ROBO2: variants seen among roughly 807,000 people sequenced by gnomAD.
The protein encoded by ROBO2 is roundabout homolog 2.
In ROBO2, 53 loss-of-function variants were observed where a neutral mutation model predicts 160.8. That is an observed-to-expected ratio of 0.33 (90% CI 0.26 to 0.41). The LOEUF is 0.41. Among genes scored for constraint, ROBO2 ranks in the 10% least tolerant of loss-of-function variants. The probability of loss-of-function intolerance (pLI) is 1.00; values close to 1 mark genes in which losing one functional copy is unlikely to be tolerated. For missense variants in ROBO2, 1,577 were observed against 1,722.4 expected (o/e 0.92, Z 1.49); for synonymous variants, 664 against 611.7 (o/e 1.09, Z -1.26).
intron 2 of ROBO2, among the ~76,000 whole-genome samples, chr3:76,500,734 C>G (rs2080415213): frequency 6.6e-6 from 1 of 152,094 alleles, no homozygotes; most frequent in African/African-American, 2.4e-5. Flanking sequence ...AAAGTCAGTT[C>G]TAGAAGATAA....
At position 77,646,166 on chromosome 3, in the gene ROBO2, A is replaced by T. The variant is rs1313873927; in HGVS notation, c.*111A>T. 4 of 699,546 alleles carry T rather than the reference A, an allele frequency of 5.7e-6. No individual in the cohort carries two copies. The African/African-American group carries it at 7.3e-5, about 13-fold the overall frequency. The allele number at this position is 699,546 out of a possible 1,614,324, so 43.3% of individuals were successfully genotyped here. On this transcript the variant is annotated 3_prime_UTR_variant, in exon 26 of 26. Transcript: ENST00000461745. ...CAATTTATTTATGTACTATTAAAAG[A>T]ACTGTAAATGCAATGTAAAGACACA...
intron 2 of ROBO2, among the ~76,000 whole-genome samples, chr3:77,223,245 TTAAGAA>T (rs1474270624): frequency 1.3e-5 from 2 of 152,154 alleles, no homozygotes; most frequent in Admixed American, 6.5e-5. Flanking sequence ...TGAAAGGAGT[TTAAGAA>T]TATCTGTACC....
intron 5 of ROBO2, among the ~76,000 whole-genome samples, chr3:77,508,891 G>T (rs1378284072): frequency 2.0e-5 from 3 of 151,954 alleles, no homozygotes; most frequent in African/African-American, 4.8e-5. Flanking sequence ...GGCAACAGGG[G>T]TGCATGTGTG....
intron 2 of ROBO2, among the ~76,000 whole-genome samples, chr3:76,441,872 C>T (rs537900625): frequency 2.0e-4 from 30 of 152,306 alleles, no homozygotes; most frequent in African/African-American, 6.0e-4. Flanking sequence ...ACTTTCACTC[C>T]TTAGCAGAAA....
At chr3:77,095,948 A>G (rs1474087277) in intron 1 of ROBO2, among the ~76,000 whole-genome samples, 1 of 152,018 alleles carries the variant, frequency 6.6e-6, no homozygotes, top group African/African-American at 2.4e-5. Flanking sequence ...TGTGAACAGT[A>G]AATTACTCTT....
At chr3:76,011,481 C>G (rs1251004109) in intron 2 of ROBO2, among the ~76,000 whole-genome samples, 1 of 152,186 alleles carries the variant, frequency 6.6e-6, no homozygotes, top group Non-Finnish European at 1.5e-5. Flanking sequence ...GCCACATCCC[C>G]TTTACTAGTT....
Position 76,532,527 on chromosome 3 carries a change from TACAG to T in ROBO2, c.110-565483_110-565480del, listed in dbSNP as rs1204096215. 7.2e-5 allele frequency among the ~76,000 whole-genome samples: 11 copies of T among 152,344 alleles called. No individual in the cohort carries two copies. In the South Asian group the frequency reaches 1.7e-3, roughly 23 times the overall value. On this transcript the variant is annotated intron_variant, in intron 2 of 26. Transcript: ENST00000487694. Reference sequence around the variant, plus strand: ...TAACATATTAACTTTTCAAGAATGATACAGACAATTTGCCTTATAAGTATAATGT... The same window carrying T: ...TAACATATTAACTTTTCAAGAATGATACAATTTGCCTTATAAGTATAATGT...
At chr3:76,200,236 C>T (rs531492999) in intron 2 of ROBO2, among the ~76,000 whole-genome samples, 3 of 152,156 alleles carry the variant, frequency 2.0e-5, no homozygotes, top group South Asian at 4.1e-4. Context: ...GGGCTTGGGT[C>T]TGGGGAAGGA....
chr3:76,237,589 G>A (rs559919200), intron 2 of ROBO2, among the ~76,000 whole-genome samples: 157 of 152,212 alleles, frequency 1.0e-3, no homozygotes, highest in African/African-American at 3.6e-3. Flanking sequence ...TCAATGTCCT[G>A]GATAGTTAAT....
At chr3:76,103,320 A>G (rs2069780629) in intron 2 of ROBO2, among the ~76,000 whole-genome samples, 1 of 152,158 alleles carries the variant, frequency 6.6e-6, no homozygotes, top group African/African-American at 2.4e-5. Flanking sequence ...TATAATGAGG[A>G]AAAGAAGATA....
At chr3:76,166,916 C>T (rs1422233806) in intron 2 of ROBO2, among the ~76,000 whole-genome samples, 1 of 152,054 alleles carries the variant, frequency 6.6e-6, no homozygotes, top group East Asian at 1.9e-4. Context: ...CATTGTGCCC[C>T]TTCACAAATT....
intron 2 of ROBO2, among the ~76,000 whole-genome samples, chr3:77,432,338 T>C (rs1344177979): frequency 6.6e-6 from 1 of 152,116 alleles, no homozygotes; most frequent in Non-Finnish European, 1.5e-5. Flanking sequence ...CCTCTGTGAG[T>C]TGACTGTGTT....
At position 76,225,872 on chromosome 3, in the gene ROBO2, C is replaced by A. The variant is rs569270235; in HGVS notation, c.109+288270C>A. On this transcript the variant is annotated intron_variant, in intron 2 of 26. Transcript: ENST00000487694. The stretch of plus-strand genomic sequence containing the variant: ...AAATACCAAAAAACTCTAAACATTG[C>A]AAGATACATTAACTCTAAGATTTTT... 3.9e-5 allele frequency among the ~76,000 whole-genome samples: 6 copies of A among 152,220 alleles called. No individual in the cohort carries two copies. In the East Asian group the frequency reaches 1.2e-3, roughly 29 times the overall value.
intron 2 of ROBO2, among the ~76,000 whole-genome samples, chr3:77,370,106 T>C (rs981627075): frequency 6.6e-6 from 1 of 152,178 alleles, no homozygotes; most frequent in African/African-American, 2.4e-5. Context: ...AAATAATGGT[T>C]GGATTGTTAT....
intron 2 of ROBO2, among the ~76,000 whole-genome samples, chr3:76,174,751 T>C (rs1405949820): frequency 6.6e-6 from 1 of 152,166 alleles, no homozygotes; most frequent in Non-Finnish European, 1.5e-5. Flanking sequence ...TATCATGCTG[T>C]TTTGGTTACT....
At chr3:77,038,965 C>T (rs1402146815), upstream of ROBO2, among the ~76,000 whole-genome samples, 1 of 152,176 alleles carries the variant, frequency 6.6e-6, no homozygotes, top group Non-Finnish European at 1.5e-5. Flanking sequence ...TCGGGGATCC[C>T]CCTCCCCCAA....
At chr3:76,193,511 T>A (rs146000634) in intron 2 of ROBO2, among the ~76,000 whole-genome samples, 3 of 152,224 alleles carry the variant, frequency 2.0e-5, no homozygotes, top group African/African-American at 7.2e-5. Flanking sequence ...TCCCCAGCCT[T>A]ACCTTGTTCT....
chr3:77,538,105 A>T (rs1339987755), intron 6 of ROBO2, among the ~76,000 whole-genome samples: 2 of 83,558 alleles, frequency 2.4e-5, no homozygotes, highest in Non-Finnish European at 4.5e-5. Context: ...ATTGCCATGG[A>T]CTCAATAAAA....
intron 2 of ROBO2, among the ~76,000 whole-genome samples, chr3:75,981,150 C>T (rs111608908): frequency 6.6e-5 from 10 of 151,578 alleles, no homozygotes; most frequent in African/African-American, 2.4e-4. Context: ...TTAATGAAGA[C>T]AAGGGCCCAT....
Sources: allele counts gnomAD v4.1 joint callset (sites outside exome capture counted in the v4.1 genomes callset), GRCh38; gene constraint gnomAD v4.1.1; transcripts MANE v1.5; gene names NCBI Gene and HGNC (gene_info 2026-07-23, HGNC 2026-07-21).